Variants in PTPRG observed in about 807,000 individuals in gnomAD.
The protein encoded by PTPRG is receptor-type tyrosine-protein phosphatase gamma.
A neutral mutation model predicts 165.3 loss-of-function variants in PTPRG; 102 were observed. That is an observed-to-expected ratio of 0.62 (90% CI 0.53 to 0.73). The LOEUF is 0.73. Among genes scored for constraint, PTPRG ranks in the 30% least tolerant of loss-of-function variants. The pLI is 0.00. For synonymous variants in PTPRG, 675 were observed against 669.5 expected, an observed-to-expected ratio of 1.01 and a Z score of -0.13; for missense variants, 1,866 against 1,861.4, an observed-to-expected ratio of 1.00 and a Z score of -0.05.
Position 62,255,320 on chromosome 3 carries a change from C to T in PTPRG, c.2559+105C>T. 2.4e-6 allele frequency: 2 copies of T among 823,468 alleles called. No individual in the cohort carries two copies. Among genetic ancestry groups the T allele is most frequent in the Non-Finnish European group, 3.8e-6 (2 of 526,042 alleles). 51.0% of individuals were successfully genotyped at this position (823,468 alleles called of 1,614,324 possible). ...CATTCCAAGCATAACAAAACAGTAA[C>T]TACGGAAAGTGGAGTTTTTCTTTTC... On this transcript the variant is annotated intron_variant, in intron 16 of 29. Coordinates refer to ENST00000474889, the MANE Select transcript of PTPRG (RefSeq NM_002841.4). This position sits in a 1 kb window ranked among gnomAD's most constrained non-coding sequence, Gnocchi z 4.0.
intron 6 of PTPRG, among the ~76,000 whole-genome samples, chr3:62,139,911 G>C (rs754157000): frequency 2.7e-5 from 4 of 149,580 alleles, no homozygotes; most frequent in Non-Finnish European, 6.0e-5. Flanking sequence ...AATATGCATT[G>C]ACTGCCCTGC....
At chr3:61,600,642 C>T (rs759819640) in intron 1 of PTPRG, among the ~76,000 whole-genome samples, 9 of 152,216 alleles carry the variant, frequency 5.9e-5, no homozygotes, top group East Asian at 1.9e-4. Context: ...CAGGCTCAAG[C>T]GATCCTCCCA....
intron 1 of PTPRG, among the ~76,000 whole-genome samples, chr3:61,571,652 C>T (rs1202429747): frequency 1.3e-5 from 2 of 152,052 alleles, no homozygotes; most frequent in Admixed American, 6.6e-5. Context: ...TTTGACACTA[C>T]TCCTCTTCCA....
intron 1 of PTPRG, among the ~76,000 whole-genome samples, chr3:61,676,582 A>C (rs1393378683): frequency 6.6e-6 from 1 of 151,888 alleles, no homozygotes; most frequent in African/African-American, 2.4e-5. Flanking sequence ...AATTTAGTGT[A>C]TCAAGTAATT....
At chr3:61,847,074 A>G (rs1181673416) in intron 2 of PTPRG, among the ~76,000 whole-genome samples, 1 of 152,116 alleles carries the variant, frequency 6.6e-6, no homozygotes, top group Non-Finnish European at 1.5e-5. Context: ...TCCCCCAGTC[A>G]TATGTTGAAT....
chr3:62,256,270 G>C (rs1228941980), intron 16 of PTPRG, among the ~76,000 whole-genome samples: 1 of 152,100 alleles, frequency 6.6e-6, no homozygotes, highest in East Asian at 1.9e-4. Flanking sequence ...TGAACAATGA[G>C]AAATAAAAAC....
intron 2 of PTPRG, among the ~76,000 whole-genome samples, chr3:61,898,095 G>A (rs1275108655): frequency 6.6e-6 from 1 of 152,080 alleles, no homozygotes; most frequent in Non-Finnish European, 1.5e-5. Flanking sequence ...TGTTGAATAC[G>A]AGTAGTGAGA....
chr3:61,616,671 A>G (rs1261581081), intron 1 of PTPRG, among the ~76,000 whole-genome samples: 3 of 152,186 alleles, frequency 2.0e-5, no homozygotes, highest in Non-Finnish European at 4.4e-5. Context: ...AGAATAAGGC[A>G]TGTCTTCCTC....
intron 1 of PTPRG, among the ~76,000 whole-genome samples, chr3:61,731,661 A>G (rs2032506857): frequency 6.6e-6 from 1 of 151,744 alleles, no homozygotes; most frequent in Non-Finnish European, 1.5e-5. Context: ...GCTCCCTTTC[A>G]CAGTGCTATG....
In PTPRG at chr3:62,201,380, A is replaced by G. The variant is rs371737944; in HGVS notation, c.1328-125A>G. On this transcript the variant is annotated intron_variant, in intron 10 of 29. Coordinates refer to ENST00000474889, the MANE Select transcript of PTPRG (RefSeq NM_002841.4). ...TTTATATTTTTAAATGGTTGGAAAA[A>G]ATCTACAGAATAATATTTTGACATG... 3.5e-5 allele frequency: 27 copies of G among 764,902 alleles called. No individual in the cohort carries two copies. In the East Asian group the frequency reaches 4.1e-4, roughly 12 times the overall value. The allele number at this position is 764,902 out of a possible 1,614,324, so 47.4% of individuals were successfully genotyped here.
At chr3:62,292,581 A>G (rs775940513) in intron 29 of PTPRG, 25 bp downstream of exon 29, 2 of 1,609,184 alleles carry the variant, frequency 1.2e-6, no homozygotes, top group Non-Finnish European at 1.7e-6. Flanking sequence ...TATGTGTAAA[A>G]CCTGTACTAC....
At chr3:61,776,896 A>T (rs1355012735) in intron 2 of PTPRG, among the ~76,000 whole-genome samples, 1 of 152,080 alleles carries the variant, frequency 6.6e-6, no homozygotes, top group Non-Finnish European at 1.5e-5. Context: ...TAATTATTGC[A>T]CGCCTGTATA....
intron 2 of PTPRG, among the ~76,000 whole-genome samples, chr3:61,957,987 G>C (rs1410790549): frequency 6.6e-6 from 1 of 152,032 alleles, no homozygotes; most frequent in Admixed American, 6.6e-5. Flanking sequence ...CCTTAATGAG[G>C]TTTATGTATT....
intron 4 of PTPRG, among the ~76,000 whole-genome samples, chr3:62,037,754 C>T (rs1388358584): frequency 1.3e-5 from 2 of 152,056 alleles, no homozygotes; most frequent in Non-Finnish European, 2.9e-5. Flanking sequence ...CTGGAAAGGC[C>T]CAGGTCAAAA....
At chr3:62,259,479 T>C (rs546612696) in intron 16 of PTPRG, among the ~76,000 whole-genome samples, 60 of 152,376 alleles carry the variant, frequency 3.9e-4, no homozygotes, top group African/African-American at 1.4e-3. Flanking sequence ...AAAGCCATCC[T>C]GGGCCGCCTG....
intron 1 of PTPRG, among the ~76,000 whole-genome samples, chr3:61,685,986 G>C (rs1703612486): frequency 6.6e-6 from 1 of 152,190 alleles, no homozygotes; most frequent in Non-Finnish European, 1.5e-5. Context: ...GTTGGGGTAT[G>C]AGTGGGAGCG....
At chr3:62,092,439 G>GA (rs55955359) in intron 5 of PTPRG, among the ~76,000 whole-genome samples, 1,529 of 89,366 alleles carry the variant, frequency 0.017, 36 homozygotes, top group South Asian at 0.054. Context: ...GAGTCCATCT[G>GA]AAAAAAAAAA....
At chr3:62,265,658 G>A (rs1465933329) in intron 17 of PTPRG, among the ~76,000 whole-genome samples, 1 of 152,050 alleles carries the variant, frequency 6.6e-6, no homozygotes, top group East Asian at 1.9e-4. Flanking sequence ...GCCAGGGGGA[G>A]AACAAGGAAG....
chr3:61,914,362 C>G (rs1384761735), intron 2 of PTPRG, among the ~76,000 whole-genome samples: 2 of 152,154 alleles, frequency 1.3e-5, no homozygotes, highest in Non-Finnish European at 2.9e-5. Flanking sequence ...CCCATGGGGA[C>G]TTTGAATTTC....
Sources: allele counts gnomAD v4.1 joint callset (sites outside exome capture counted in the v4.1 genomes callset), GRCh38; gene constraint gnomAD v4.1.1; non-coding constraint Gnocchi (gnomAD v3.1); transcripts MANE v1.5; gene names NCBI Gene and HGNC (gene_info 2026-07-23, HGNC 2026-07-21).